Variants in MRTFB observed in about 807,000 individuals in gnomAD.
MRTFB encodes myocardin-related transcription factor B.
A neutral mutation model predicts 104.2 loss-of-function variants in MRTFB; 29 were observed. That is an observed-to-expected ratio of 0.28 (90% CI 0.21 to 0.38). The LOEUF (loss-of-function observed/expected upper bound fraction) is 0.38. MRTFB is among the 10% of genes least tolerant of loss of function. The pLI is 1.00. For missense variants in MRTFB, 1,270 were observed against 1,341.6 expected (o/e 0.95, Z 0.83); for synonymous variants, 535 against 519.5 (o/e 1.03, Z -0.41).
intron 2 of MRTFB, among the ~76,000 whole-genome samples, chr16:14,099,517 C>G (rs1198990765): frequency 2.0e-5 from 3 of 150,988 alleles, no homozygotes; most frequent in Admixed American, 2.0e-4. Flanking sequence ...TGCATACCAC[C>G]ATGTCCGGCT....
intron 13 of MRTFB, 55 bp downstream of exon 13, chr16:14,249,136 C>A (rs949951994): frequency 6.3e-7 from 1 of 1,578,074 alleles, no homozygotes; most frequent in Middle Eastern, 1.7e-4. Context: ...ATCCTCCGAT[C>A]ATCCATTCAA....
At chr16:14,240,592 G>T (rs777507090) in intron 10 of MRTFB, 108 bp downstream of exon 10, 2 of 1,557,742 alleles carry the variant, frequency 1.3e-6, no homozygotes, top group Admixed American at 3.3e-5. Flanking sequence ...GCTCAGTAAT[G>T]ATTTTCATTT....
At chr16:14,243,879 A>ATTTTTT (rs2042894966) in intron 10 of MRTFB, among the ~76,000 whole-genome samples, 4 of 93,408 alleles carry the variant, frequency 4.3e-5, no homozygotes, top group Non-Finnish European at 7.0e-5. Flanking sequence ...TTTTTTTTTG[A>ATTTTTT]GACAGAGTCT....
At position 14,140,526 on chromosome 16, in the gene MRTFB, C is replaced by T; in HGVS notation, c.-63-18C>T. 3 of 1,527,182 alleles carry T rather than the reference C, an allele frequency of 2.0e-6. No individual in the cohort carries two copies. Among genetic ancestry groups the T allele is most frequent in the Non-Finnish European group, 2.7e-6 (3 of 1,116,114 alleles). 94.6% of individuals were successfully genotyped at this position (1,527,182 alleles called of 1,614,324 possible). ...AACATAACTGCACCATCTCTTTACA[C>T]ATTCTTTATTTTGGCAGTGTCTTCA... On this transcript the variant is annotated intron_variant, in intron 2 of 16. Transcript: ENST00000571589.
chr16:14,173,343 C>G (rs2039483109), intron 3 of MRTFB, among the ~76,000 whole-genome samples: 1 of 152,146 alleles, frequency 6.6e-6, no homozygotes, highest in Non-Finnish European at 1.5e-5. Flanking sequence ...CTATCCAAGA[C>G]CAAGGACTGT....
At chr16:14,014,897 T>C in the MRTFB span, among the ~76,000 whole-genome samples, 2 of 151,984 alleles carry the variant, frequency 1.3e-5, no homozygotes, top group African/African-American at 2.4e-5. Flanking sequence ...AACTCTCAGT[T>C]CGGTGTCTAA....
chr16:14,044,849 C>G, the MRTFB span, among the ~76,000 whole-genome samples: 1 of 152,090 alleles, frequency 6.6e-6, no homozygotes, highest in Non-Finnish European at 1.5e-5. Flanking sequence ...CCTTGCTGAC[C>G]TCTGTGACAA....
the MRTFB span, among the ~76,000 whole-genome samples, chr16:14,065,152 T>C: frequency 6.6e-6 from 1 of 152,190 alleles, no homozygotes; most frequent in African/African-American, 2.4e-5. Flanking sequence ...GTTTTGTAAT[T>C]CTCATTGCAG....
At chr16:14,033,680 A>G in the MRTFB span, among the ~76,000 whole-genome samples, 1 of 151,896 alleles carries the variant, frequency 6.6e-6, no homozygotes, top group African/African-American at 2.4e-5. Flanking sequence ...TCTACTAAAA[A>G]TACAAAATTA....
chr16:14,211,910 T>C (rs184165451), intron 4 of MRTFB, among the ~76,000 whole-genome samples: 1 of 152,156 alleles, frequency 6.6e-6, no homozygotes, highest in African/African-American at 2.4e-5. Context: ...ACAGAGCCCA[T>C]TACGGGTTCT....
In MRTFB at chr16:14,140,565, A is replaced by T. The variant is rs1186789659; in HGVS notation, c.-42A>T. On this transcript the variant is annotated 5_prime_UTR_variant, in exon 3 of 17. Transcript: ENST00000571589. Reference sequence around the variant, plus strand: ...GCAGTGTCTTCAATAGGCCGTGTTTAAGAGGCGTCTTACACTCCCTGTTGC... The same window carrying T: ...GCAGTGTCTTCAATAGGCCGTGTTTTAGAGGCGTCTTACACTCCCTGTTGC... The T allele has an allele frequency of 6.2e-7, 1 of 1,609,424 alleles. No individual in the cohort carries two copies. The highest frequency in any genetic ancestry group is 8.5e-7 in the Non-Finnish European group (1 of 1,176,748).
At chr16:14,034,873 C>T in the MRTFB span, among the ~76,000 whole-genome samples, 1 of 152,152 alleles carries the variant, frequency 6.6e-6, no homozygotes, top group South Asian at 2.1e-4. Flanking sequence ...TGTTCAGCAA[C>T]TAGGAAGGAA....
chr16:14,087,759 C>G (rs925804788), intron 2 of MRTFB, among the ~76,000 whole-genome samples: 1 of 152,174 alleles, frequency 6.6e-6, no homozygotes, highest in African/African-American at 2.4e-5. Flanking sequence ...CCTCCTACAT[C>G]TTTTCTGGAG....
the MRTFB span, among the ~76,000 whole-genome samples, chr16:14,023,618 T>TACATAG: frequency 1.7e-5 from 1 of 57,726 alleles, no homozygotes. Context: ...CACATACATA[T>TACATAG]ACATATACAT....
chr16:14,188,382 G>A lies in MRTFB; in HGVS notation c.155-21861G>A, dbSNP rs146609402. On this transcript the variant is annotated intron_variant, in intron 3 of 16. Coordinates refer to ENST00000571589, the MANE Select transcript of MRTFB (RefSeq NM_001308142.2). ...TACCATAAATTTAAAACATTTTTGC[G>A]TACTTGAGAAACTAGGAAAGTAGAG... Among the ~76,000 whole-genome samples the A allele has an allele frequency of 2.1e-3, 313 of 152,102 alleles. 3 individuals are homozygous for A. The highest frequency in any genetic ancestry group is 6.8e-3 in the African/African-American group (282 of 41,492).
At chr16:14,049,703 G>A in the MRTFB span, among the ~76,000 whole-genome samples, 2 of 152,212 alleles carry the variant, frequency 1.3e-5, no homozygotes, top group Non-Finnish European at 2.9e-5. Flanking sequence ...TTATGGAAGA[G>A]AATGTCCTGT....
the MRTFB span, among the ~76,000 whole-genome samples, chr16:14,059,997 ATTTTTTTTTTT>A: frequency 2.0e-5 from 2 of 99,720 alleles, no homozygotes; most frequent in Admixed American, 1.1e-4. Flanking sequence ...GAGACATGTA[ATTTTTTTTTTT>A]TTTTTTTTTT....
At chr16:14,034,930 C>T in the MRTFB span, among the ~76,000 whole-genome samples, 6 of 152,242 alleles carry the variant, frequency 3.9e-5, no homozygotes, top group African/African-American at 7.2e-5. Flanking sequence ...CTTGAGTGTC[C>T]GGGCCCCTAT....
chr16:14,118,525 C>T (rs1173442428), intron 2 of MRTFB, among the ~76,000 whole-genome samples: 3 of 151,242 alleles, frequency 2.0e-5, no homozygotes, highest in Non-Finnish European at 2.9e-5. Flanking sequence ...GGAGGCCTGG[C>T]GTGGTGGCTT....
Sources: allele counts gnomAD v4.1 joint callset (sites outside exome capture counted in the v4.1 genomes callset), GRCh38; gene constraint gnomAD v4.1.1; transcripts MANE v1.5; gene names NCBI Gene and HGNC (gene_info 2026-07-23, HGNC 2026-07-21).